The following ALKBH2 variants were observed in gnomAD, a reference collection of about 807,000 sequenced individuals.
The protein encoded by ALKBH2 is DNA oxidative demethylase ALKBH2.
In ALKBH2, 19 loss-of-function variants were observed where a neutral mutation model predicts 19.7. The ratio of observed to expected loss-of-function variants is 0.97; its 90% CI spans 0.67 to 1.42. The LOEUF (loss-of-function observed/expected upper bound fraction) is 1.42. Ranked by LOEUF, ALKBH2 falls within the 40% of genes most tolerant of loss-of-function variation. The pLI, the probability that ALKBH2 is intolerant of heterozygous loss-of-function variation, is 0.00. For synonymous variants in ALKBH2, 135 were observed against 131.2 expected, an observed-to-expected ratio of 1.03 and a Z score of -0.20; for missense variants, 310 against 328.5, an observed-to-expected ratio of 0.94 and a Z score of 0.43.
At chr12:109,090,931 C>T (rs777491072) in intron 2 of ALKBH2, among the ~76,000 whole-genome samples, 5 of 152,148 alleles carry the variant, frequency 3.3e-5, no homozygotes, top group Non-Finnish European at 4.4e-5. Flanking sequence ...AACACTGTAA[C>T]TTAACTGCCT....
chr12:109,091,613 C>T (rs146947858), intron 2 of ALKBH2, among the ~76,000 whole-genome samples: 20 of 152,296 alleles, frequency 1.3e-4, no homozygotes, highest in Non-Finnish European at 2.5e-4. Flanking sequence ...TCTCGGCTCA[C>T]TGCAACCTCT....
rs185740875 is a variant in ALKBH2, at chr12:109,092,922, A to G, written c.-136T>C. On this transcript the variant is annotated 5_prime_UTR_variant, in exon 2 of 4. Coordinates refer to ENST00000429722, the MANE Select transcript of ALKBH2 (RefSeq NM_001145374.2). ...TCCTAGTTTCACATTTTCATTTTAA[A>G]GTTTAAAACCATGTCCTAGAAAGGA... 6.7e-4 allele frequency: 988 copies of G among 1,474,516 alleles called. 3 individuals are homozygous for G. The African/African-American group carries it at 0.013, about 19-fold the overall frequency. 91.3% of individuals were successfully genotyped at this position (1,474,516 alleles called of 1,614,324 possible). A position where few individuals can be genotyped will look rare whatever the true frequency, so the allele number is the denominator to read the frequency against.
In ALKBH2 at chr12:109,088,536, T is replaced by G; in HGVS notation, c.480-24A>C. 2 of 1,558,446 alleles carry G rather than the reference T, an allele frequency of 1.3e-6. No homozygotes were observed. Among genetic ancestry groups the G allele is most frequent in the African/African-American group, 2.7e-5 (2 of 72,974 alleles). On this transcript the variant is annotated intron_variant, in intron 3 of 3. Coordinates refer to ENST00000429722, the MANE Select transcript of ALKBH2 (RefSeq NM_001145374.2). The surrounding 1 kb of genome is among the most constrained non-coding windows in gnomAD (Gnocchi z 4.2). ...ACCTGCAATGAGAAAACAAACACAGTGCATAAAAACAACCCTCTCCTGAAA... is the reference window on the plus strand; with the variant it reads ...ACCTGCAATGAGAAAACAAACACAGGGCATAAAAACAACCCTCTCCTGAAA...
In ALKBH2 at chr12:109,090,139, C is replaced by T. The variant is rs775834069; in HGVS notation, c.349G>A (p.Asp117Asn). Residue 117 changes from aspartate (D) to asparagine (N), a missense_variant, in exon 3 of 4, where the codon GAC becomes AAC. Asp to Asn is a conservative substitution (Grantham distance 23, BLOSUM62 1). Transcript: ENST00000429722. ...SVPRKQATYG[D>N]AGLTYTFSGL... is the part of the protein sequence containing the mutation. ...GAAAATGTGTAGGTCAGCCCAGCGTCGCCATACGTTGCCTGCTTCCTGGGC... is the reference window on the plus strand; with the variant it reads ...GAAAATGTGTAGGTCAGCCCAGCGTTGCCATACGTTGCCTGCTTCCTGGGC... 40 of 1,614,048 alleles carry T rather than the reference C, an allele frequency of 2.5e-5. No individual in the cohort carries two copies. The highest frequency in any genetic ancestry group is 1.7e-4 in the Admixed American group (10 of 60,002).
intron 2 of ALKBH2, among the ~76,000 whole-genome samples, chr12:109,091,168 G>T (rs1241734346): frequency 2.0e-5 from 3 of 152,128 alleles, no homozygotes; most frequent in African/African-American, 7.2e-5. Context: ...CCAAGGCGAG[G>T]ATCACTCAAG....
In ALKBH2 at chr12:109,088,450, C is replaced by T; in HGVS notation, c.542G>A (p.Gly181Glu). 6.2e-7 allele frequency: 1 copy of T among 1,613,412 alleles called. No homozygotes were observed. ...GAAGGAGACAGAGGCAATGGGGCTC[C>T]CAGGGGCCAGTTCTCTTTCATCATC... ...HRDDERELAP[G>E]SPIASVSFGA... is the part of the protein sequence containing the mutation. Residue 181 changes from glycine (G) to glutamate (E), a missense_variant, in exon 4 of 4, where the codon GGG (glycine) becomes GAG (glutamate). By Grantham distance (98) the Gly-to-Glu change is moderately conservative. Coordinates refer to ENST00000429722, the MANE Select transcript of ALKBH2 (RefSeq NM_001145374.2). The surrounding 1 kb of genome is among the most constrained non-coding windows in gnomAD (Gnocchi z 4.2).
rs1248768347 is a variant in ALKBH2 at position 109,088,452 on chromosome 12, A to T, written c.540T>A (p.Pro180=). Residue 180 remains proline, a synonymous_variant, in exon 4 of 4, where the codon CCT becomes CCA. Transcript: ENST00000429722. This position sits in a 1 kb window ranked among gnomAD's most constrained non-coding sequence, Gnocchi z 4.2. ...AGGAGACAGAGGCAATGGGGCTCCC[A>T]GGGGCCAGTTCTCTTTCATCATCTC... ...EHRDDERELA[P]GSPIASVSFG... 3 of 1,612,742 alleles carry T rather than the reference A, an allele frequency of 1.9e-6. No homozygotes were observed. Among genetic ancestry groups the T allele is most frequent in the African/African-American group, 2.7e-5 (2 of 74,670 alleles).
Position 109,088,501 on chromosome 12 carries a change from C to T in ALKBH2, c.491G>A (p.Gly164Asp), listed in dbSNP as rs1408976267. 3 of 1,592,820 alleles carry T rather than the reference C, an allele frequency of 1.9e-6. No homozygotes were observed. In the Admixed American group the frequency reaches 5.2e-5, roughly 28 times the overall value. ...TCGGTGCTCCCCGATGTGGTCACAG[C>T]CATCTTTATACCTGCAATGAGAAAA... ...NFVLINRYKD[G>D]CDHIGEHRDD... Residue 164 changes from glycine to aspartate, a missense_variant, in exon 4 of 4, where the codon GGC (glycine) becomes GAC (aspartate). Transcript: ENST00000429722. This position sits in a 1 kb window ranked among gnomAD's most constrained non-coding sequence, Gnocchi z 4.2.
intron 3 of ALKBH2, 175 bp downstream of exon 3, chr12:109,089,834 C>T: frequency 1.6e-6 from 1 of 636,304 alleles, no homozygotes; most frequent in South Asian, 1.9e-5. Flanking sequence ...ACTTCCTACT[C>T]CGGGATGAGC....
Position 109,088,424 on chromosome 12 carries a change from C to T in ALKBH2, c.568G>A (p.Gly190Ser), listed in dbSNP as rs560750228. The change falls in exon 4 of 4, where the codon GGT (glycine) becomes AGT (serine). Residue 190 changes from glycine to serine, a missense_variant. Physicochemically the swap from Gly to Ser is moderately conservative, Grantham distance 56 (BLOSUM62 0). Coordinates refer to ENST00000429722, the MANE Select transcript of ALKBH2 (RefSeq NM_001145374.2). The surrounding 1 kb of genome is among the most constrained non-coding windows in gnomAD (Gnocchi z 4.2). ...CGGAAGACAAAGTCTCTGCAGGCAC[C>T]GAAGGAGACAGAGGCAATGGGGCTC... ...PGSPIASVSF[G>S]ACRDFVFRHK... The T allele has an allele frequency of 9.9e-6, 16 of 1,613,668 alleles. No homozygotes were observed. Among genetic ancestry groups the T allele is most frequent in the Middle Eastern group, 1.6e-4 (1 of 6,082 alleles).
chr12:109,090,761 G>T (rs1435086755), intron 2 of ALKBH2, among the ~76,000 whole-genome samples: 3 of 152,142 alleles, frequency 2.0e-5, no homozygotes, highest in African/African-American at 7.2e-5. Context: ...GACTGGTCTT[G>T]AACTCCTGGG....
At chr12:109,090,560 T>C (rs183891779) in intron 2 of ALKBH2, among the ~76,000 whole-genome samples, 6 of 152,240 alleles carry the variant, frequency 3.9e-5, no homozygotes, top group African/African-American at 1.4e-4. Context: ...CCTGAATAGC[T>C]GGGACCACAG....
rs189987067 is a variant in ALKBH2 at position 109,088,425 on chromosome 12, G to A, written c.567C>T (p.Phe189=). 4.6e-5 allele frequency: 74 copies of A among 1,613,810 alleles called. No individual in the cohort carries two copies. The Admixed American group carries it at 8.3e-4, about 18-fold the overall frequency. ...GGAAGACAAAGTCTCTGCAGGCACCGAAGGAGACAGAGGCAATGGGGCTCC... is the reference window on the plus strand; with the variant it reads ...GGAAGACAAAGTCTCTGCAGGCACCAAAGGAGACAGAGGCAATGGGGCTCC... The part of the protein sequence containing the change: ...APGSPIASVS[F]GACRDFVFRH... The change falls in exon 4 of 4, where the codon TTC becomes TTT. Residue 189 remains phenylalanine (F), a synonymous_variant. Transcript: ENST00000429722. This position sits in a 1 kb window ranked among gnomAD's most constrained non-coding sequence, Gnocchi z 4.2.
intron 3 of ALKBH2, among the ~76,000 whole-genome samples, chr12:109,089,360 C>A (rs996738938): frequency 6.6e-6 from 1 of 152,162 alleles, no homozygotes; most frequent in Non-Finnish European, 1.5e-5. Context: ...TTAAACCCAC[C>A]CAGGGTTCTC....
Position 109,092,584 on chromosome 12 carries a change from C to T in ALKBH2, c.203G>A (p.Ser68Asn). The T allele has an allele frequency of 6.2e-7, 1 of 1,613,978 alleles. No individual in the cohort carries two copies. Among genetic ancestry groups the T allele is most frequent in the Non-Finnish European group, 8.5e-7 (1 of 1,179,890 alleles). ...RHIRAEGLDC[S>N]YTVLFGKAEA... is the part of the protein sequence containing the mutation. ...AGCTTTGCCAAACAGGACTGTGTAA[C>T]TGCAGTCCAGGCCCTCAGCCCGAAT... is the stretch of plus-strand genomic sequence containing the variant. The change falls in exon 2 of 4, where the codon AGT becomes AAT. Residue 68 changes from serine to asparagine, a missense_variant. Coordinates refer to ENST00000429722, the MANE Select transcript of ALKBH2 (RefSeq NM_001145374.2).
chr12:109,089,239 G>A (rs774212811), intron 3 of ALKBH2, among the ~76,000 whole-genome samples: 5 of 152,152 alleles, frequency 3.3e-5, no homozygotes, highest in African/African-American at 4.8e-5. Flanking sequence ...ACACTCCAGA[G>A]TCCCTCTGCT....
At position 109,090,064 on chromosome 12, in the gene ALKBH2, G is replaced by A. The variant is rs371845082; in HGVS notation, c.424C>T (p.Arg142Trp). 70 of 1,614,082 alleles carry A rather than the reference G, an allele frequency of 4.3e-5. No homozygotes were observed. The East Asian group carries it at 1.2e-3, about 29-fold the overall frequency. ...KPWIPVLERI[R>W]DHVSGVTGQT... ...CCAGTCACCCCAGAGACGTGATCCC[G>A]GATGCGCTCTAGAACTGGGATCCAG... The change falls in exon 3 of 4, where the codon CGG becomes TGG. Residue 142 changes from arginine to tryptophan, a missense_variant. Physicochemically the swap from Arg to Trp is moderately radical, Grantham distance 101. Coordinates refer to ENST00000429722, the MANE Select transcript of ALKBH2 (RefSeq NM_001145374.2).
At chr12:109,093,114 C>T (rs1421484632) in intron 1 of ALKBH2, 133 bp downstream of exon 1, 2 of 265,860 alleles carry the variant, frequency 7.5e-6, no homozygotes, top group Non-Finnish European at 1.4e-5. Context: ...GGAATTCGCA[C>T]GCCACAGCTA....
chr12:109,089,625 C>T (rs892985731), intron 3 of ALKBH2: 2 of 238,586 alleles, frequency 8.4e-6, no homozygotes, highest in South Asian at 6.0e-5. Context: ...TGTCTGAAAT[C>T]GTCTAGGGTC....
Sources: gnomAD v4.1 joint callset for allele counts (sites outside exome capture counted in the v4.1 genomes callset) on GRCh38, gnomAD v4.1.1 for gene constraint, Gnocchi (gnomAD v3.1) non-coding constraint, MANE v1.5 for transcripts, NCBI Gene and HGNC (gene_info 2026-07-23, HGNC 2026-07-21) for gene names.